NAV1: variants seen among roughly 807,000 people sequenced by gnomAD.
The protein encoded by NAV1 is neuron navigator 1.
A neutral mutation model predicts 175.2 loss-of-function variants in NAV1; 18 were observed. The ratio of observed to expected loss-of-function variants is 0.10; its 90% CI spans 0.07 to 0.15. The LOEUF is 0.15. Ranked by LOEUF, NAV1 falls within the 10% of genes least tolerant of loss-of-function variation. The probability of loss-of-function intolerance (pLI) is 1.00; values close to 1 mark genes in which losing one functional copy is unlikely to be tolerated. For missense variants in NAV1, 1,731 were observed against 2,436.6 expected, an observed-to-expected ratio of 0.71 and a Z score of 6.10; for synonymous variants, 897 against 978.7, an observed-to-expected ratio of 0.92 and a Z score of 1.56.
intron 2 of NAV1, among the ~76,000 whole-genome samples, chr1:201,601,713 G>A (rs1667517439): frequency 6.6e-6 from 1 of 152,128 alleles, no homozygotes; most frequent in Admixed American, 6.5e-5. Context: ...CCTTGAATTT[G>A]GGCTTCCACC....
In NAV1 at chr1:201,740,420, C is replaced by A. The variant is rs1477869290; in HGVS notation, c.1226+21665C>A. ...GAGACAATAGCGCAACTTGATTGAA[C>A]TTCGATGGTTGCGGCTGTGGCGCGT... On this transcript the variant is annotated intron_variant, in intron 3 of 29. Coordinates refer to ENST00000367296, the Ensembl canonical transcript of NAV1. The surrounding 1 kb of genome is among the most constrained non-coding windows in gnomAD (Gnocchi z 4.7). 6.6e-6 allele frequency among the ~76,000 whole-genome samples: 1 copy of A among 152,156 alleles called. No homozygotes were observed. Among genetic ancestry groups the A allele is most frequent in the Non-Finnish European group, 1.5e-5 (1 of 68,022 alleles).
exon 7 of NAV1, chr1:201,783,695 A>G: frequency 6.2e-7 from 1 of 1,614,216 alleles, no homozygotes; most frequent in South Asian, 1.1e-5. Context: ...AGGCCTGCAC[A>G]GGAGCATGGA....
At chr1:201,690,574 C>A (rs947277779) in intron 1 of NAV1, among the ~76,000 whole-genome samples, 13 of 146,676 alleles carry the variant, frequency 8.9e-5, no homozygotes, top group African/African-American at 2.3e-4. Flanking sequence ...CATGGCCTGT[C>A]TGTGGCAGTG....
In NAV1 at chr1:201,782,279, T is replaced by G. The variant is rs985106130; in HGVS notation, c.1767T>G (p.Ala589=). The G allele has an allele frequency of 1.2e-6, 2 of 1,614,110 alleles. No individual in the cohort carries two copies. Among genetic ancestry groups the G allele is most frequent in the African/African-American group, 2.7e-5 (2 of 74,944 alleles). ...CTGGTCGGGACCGCCTGAGTGATGC[T>G]AAGAAGCCCCCCTCGGGCATTGCTC... The change falls in exon 6 of 30, where the codon GCT becomes GCG. Residue 589 remains alanine (A), a synonymous_variant. Coordinates refer to ENST00000367296, the Ensembl canonical transcript of NAV1. The surrounding 1 kb of genome is among the most constrained non-coding windows in gnomAD (Gnocchi z 5.4).
intron 3 of NAV1, among the ~76,000 whole-genome samples, chr1:201,729,678 G>A (rs577318481): frequency 3.3e-5 from 5 of 152,120 alleles, no homozygotes; most frequent in South Asian, 2.1e-4. Flanking sequence ...AGGCCGAGGC[G>A]GGCAGATCAT....
At chr1:201,673,354 C>T (rs567039563) in intron 1 of NAV1, 3 of 152,216 alleles carry the variant, frequency 2.0e-5, no homozygotes, top group Non-Finnish European at 2.9e-5. Flanking sequence ...GTTCTCTTCT[C>T]TTGGCATAGT....
At chr1:201,575,695 G>A (rs1254603256) in intron 1 of NAV1, among the ~76,000 whole-genome samples, 1 of 152,150 alleles carries the variant, frequency 6.6e-6, no homozygotes, top group Non-Finnish European at 1.5e-5. Context: ...GCACGGAGTG[G>A]TGACGTAACA....
At chr1:201,702,872 C>G (rs1281734398) in intron 1 of NAV1, among the ~76,000 whole-genome samples, 1 of 152,174 alleles carries the variant, frequency 6.6e-6, no homozygotes, top group Non-Finnish European at 1.5e-5. Context: ...TTTTTCTCAA[C>G]TGTAAAATGG....
intron 1 of NAV1, among the ~76,000 whole-genome samples, chr1:201,662,587 T>A (rs1346240822): frequency 4.6e-5 from 7 of 152,306 alleles, no homozygotes; most frequent in Middle Eastern, 3.4e-3. Context: ...TTGCACTTAC[T>A]CCTCATCTGT....
At chr1:201,770,828 A>C (rs1441839453) in intron 3 of NAV1, among the ~76,000 whole-genome samples, 1 of 152,196 alleles carries the variant, frequency 6.6e-6, no homozygotes, top group East Asian at 1.9e-4. Context: ...AGTGGCAGCA[A>C]GCTGATGGCT....
intron 1 of NAV1, among the ~76,000 whole-genome samples, chr1:201,661,796 G>C (rs1487315543): frequency 6.6e-6 from 1 of 152,144 alleles, no homozygotes; most frequent in Non-Finnish European, 1.5e-5. Context: ...CTGATTTCTA[G>C]ACTAGATTTC....
exon 1 of NAV1, chr1:201,649,386 C>T: frequency 3.8e-6 from 6 of 1,592,830 alleles, no homozygotes; most frequent in East Asian, 2.3e-5. Flanking sequence ...GGTGACCGTG[C>T]TGGGAGACCT....
At chr1:201,703,405 C>T (rs1671528722) in intron 1 of NAV1, among the ~76,000 whole-genome samples, 1 of 152,192 alleles carries the variant, frequency 6.6e-6, no homozygotes, top group East Asian at 1.9e-4. Flanking sequence ...CTATCTGATC[C>T]TATAACCTAT....
rs943843328 is a variant in NAV1, at chr1:201,694,335, G to A, written c.758-18482G>A. ...CCTTTGTTCTTTGAAGGAGGGAAAG[G>A]AAGTGCTGAATGGAGCCAGGCAGCT... On this transcript the variant is annotated intron_variant, in intron 1 of 29. Coordinates refer to ENST00000367296, the Ensembl canonical transcript of NAV1. The surrounding 1 kb of genome is among the most constrained non-coding windows in gnomAD (Gnocchi z 4.2). 6.6e-6 allele frequency among the ~76,000 whole-genome samples: 1 copy of A among 152,202 alleles called. No homozygotes were observed. Among genetic ancestry groups the A allele is most frequent in the South Asian group, 2.1e-4 (1 of 4,828 alleles).
Position 201,556,515 on chromosome 1 carries a change from C to G in NAV1, c.-144+17173C>G, listed in dbSNP as rs142033449. Among the ~76,000 whole-genome samples, 671 of 152,192 alleles carry G rather than the reference C, an allele frequency of 4.4e-3. 5 individuals carry two copies. Among genetic ancestry groups the G allele is most frequent in the African/African-American group, 0.015 (627 of 41,530 alleles). On this transcript the variant is annotated intron_variant, in intron 1 of 33. Coordinates refer to the NAV1 transcript ENST00000685211. ...TGGGGGGACAGTGGAGGGACTGTAA[C>G]CCCTGGAGGGGCAGGAAGGGCCTCT... is the stretch of plus-strand genomic sequence containing the variant.
chr1:201,711,813 G>T, intron 1 of NAV1, among the ~76,000 whole-genome samples: 1 of 152,196 alleles, frequency 6.6e-6, no homozygotes, highest in East Asian at 1.9e-4. Flanking sequence ...GGCCCAGGGT[G>T]GTGCCTGATG....
intron 15 of NAV1, among the ~76,000 whole-genome samples, chr1:201,801,491 A>AT (rs1038476090): frequency 1.7e-4 from 26 of 152,012 alleles, no homozygotes; most frequent in African/African-American, 5.5e-4. Flanking sequence ...TTTTTAAAAT[A>AT]TTTTTTTAAA....
chr1:201,665,308 C>G (rs1669777942), intron 1 of NAV1, among the ~76,000 whole-genome samples: 1 of 152,120 alleles, frequency 6.6e-6, no homozygotes, highest in Admixed American at 6.5e-5. Context: ...CCGAGGCCAG[C>G]TCTGCAGAGT....
At chr1:201,610,101 G>A (rs1667802935) in intron 2 of NAV1, among the ~76,000 whole-genome samples, 1 of 152,220 alleles carries the variant, frequency 6.6e-6, no homozygotes, top group Admixed American at 6.5e-5. Flanking sequence ...CAGGGTGAAG[G>A]AAGCTGTGTG....
Sources: allele counts gnomAD v4.1 joint callset (sites outside exome capture counted in the v4.1 genomes callset), GRCh38; gene constraint gnomAD v4.1.1; non-coding constraint Gnocchi (gnomAD v3.1); transcripts MANE v1.5; gene names NCBI Gene and HGNC (gene_info 2026-07-23, HGNC 2026-07-21).